Variants in TCF3 observed in about 807,000 individuals in gnomAD.
TCF3 encodes the protein transcription factor 3.
In TCF3, 54 loss-of-function variants were observed where a neutral mutation model predicts 72.3. The ratio of observed to expected loss-of-function variants is 0.75; its 90% CI spans 0.60 to 0.94. TCF3 has a LOEUF of 0.94. Among genes scored for constraint, TCF3 ranks in the 40% least tolerant of loss-of-function variants. The pLI, the probability that TCF3 is intolerant of heterozygous loss-of-function variation, is 0.00. For missense variants in TCF3, 1,078 were observed against 934.4 expected, an observed-to-expected ratio of 1.15 and a Z score of -2.00; for synonymous variants, 525 against 412.6, an observed-to-expected ratio of 1.27 and a Z score of -3.30.
At chr19:1,617,736 T>G (rs748226024) in intron 16 of TCF3, among the ~76,000 whole-genome samples, 1 of 152,284 alleles carries the variant, frequency 6.6e-6, no homozygotes, top group Middle Eastern at 3.4e-3. Context: ...GGTGAAAGAC[T>G]AAGCTTGGGG....
At chr19:1,612,508 G>T (rs569825847) in intron 18 of TCF3, 5 of 1,402,622 alleles carry the variant, frequency 3.6e-6, no homozygotes, top group East Asian at 4.6e-5. Flanking sequence ...GTTGTGGAGA[G>T]GGTATCCAGC....
chr19:1,625,822 G>A (rs1175841716), intron 6 of TCF3, 114 bp from the exon 7 acceptor site: 22 of 1,277,252 alleles, frequency 1.7e-5, no homozygotes, highest in Non-Finnish European at 2.3e-5. Flanking sequence ...TGCAGTGGGT[G>A]ATGCCCCTTC....
intron 6 of TCF3, among the ~76,000 whole-genome samples, chr19:1,626,391 G>A (rs752566540): frequency 6.6e-6 from 1 of 152,028 alleles, no homozygotes; most frequent in Non-Finnish European, 1.5e-5. Context: ...CAGAGGTTGC[G>A]GTGAGCCAAG....
chr19:1,617,641 C>T (rs572621997), intron 16 of TCF3, among the ~76,000 whole-genome samples: 1 of 152,362 alleles, frequency 6.6e-6, no homozygotes, highest in Admixed American at 6.5e-5. Context: ...AACTCTGCTC[C>T]AATCGGCCAA....
chr19:1,629,520 A>G (rs556831528), intron 5 of TCF3, among the ~76,000 whole-genome samples: 1 of 148,166 alleles, frequency 6.7e-6, no homozygotes, highest in Non-Finnish European at 1.5e-5. Flanking sequence ...TACGGAGGGG[A>G]ACAGCTGGCC....
At chr19:1,646,832 G>A (rs1600142940) in intron 2 of TCF3, among the ~76,000 whole-genome samples, 2 of 152,338 alleles carry the variant, frequency 1.3e-5, no homozygotes, top group Admixed American at 6.5e-5. Flanking sequence ...AAAAGTGAGA[G>A]GTTTACACTC....
chr19:1,621,038 G>T lies in TCF3; in HGVS notation c.1023C>A (p.Ser341=). ...AGAAGTTATTGCTTGAGTGATCCGG[G>T]GAGTAGATCTGCGAGGAGGACCAGG... is the stretch of plus-strand genomic sequence containing the variant. ...ALGKALASIY[S]PDHSSNNFSS... The change falls in exon 13 of 19, where the codon TCC becomes TCA. Residue 341 remains serine (S), a synonymous_variant. Coordinates refer to ENST00000262965, the MANE Select transcript of TCF3 (RefSeq NM_003200.5). The T allele has an allele frequency of 1.3e-6, 2 of 1,525,378 alleles. No individual in the cohort carries two copies. The highest frequency in any genetic ancestry group is 2.4e-5 in the East Asian group (1 of 41,144). The allele number at this position is 1,525,378 out of a possible 1,614,324, so 94.5% of individuals were successfully genotyped here. A position where few individuals can be genotyped will look rare whatever the true frequency, so the allele number is the denominator to read the frequency against.
At chr19:1,622,661 T>C (rs1450650293) in intron 8 of TCF3, among the ~76,000 whole-genome samples, 1 of 152,186 alleles carries the variant, frequency 6.6e-6, no homozygotes, top group African/African-American at 2.4e-5. Context: ...CTTCTGACCT[T>C]TGTACTTGAG....
intron 16 of TCF3, among the ~76,000 whole-genome samples, chr19:1,617,257 T>C: frequency 6.6e-6 from 1 of 152,174 alleles, no homozygotes; most frequent in East Asian, 1.9e-4. Context: ...GAAAGCGTGA[T>C]GTTGGAATGA....
Position 1,627,842 on chromosome 19 carries a change from A to G in TCF3, c.299-416T>C, listed in dbSNP as rs1485021313. On this transcript the variant is annotated intron_variant, in intron 5 of 18. Transcript: ENST00000262965. ...GCGGGAAGGGGACAGCAGAGCTCAC[A>G]GGGGGTGAGGCGGGAAGGGGACAGC... 5.0e-3 allele frequency among the ~76,000 whole-genome samples: 105 copies of G among 20,848 alleles called. 1 individual carries two copies. Among genetic ancestry groups the G allele is most frequent in the East Asian group, 0.015 (7 of 460 alleles). The allele number at this position is 20,848 out of a possible 152,430, so 13.7% of individuals were successfully genotyped here.
chr19:1,640,068 C>T (rs930823870), intron 3 of TCF3, among the ~76,000 whole-genome samples: 2 of 152,182 alleles, frequency 1.3e-5, no homozygotes, highest in Non-Finnish European at 2.9e-5. Flanking sequence ...AAGAAACCAC[C>T]TAAAAGTTGG....
In TCF3 at chr19:1,622,281, C is replaced by T. The variant is rs563051779; in HGVS notation, c.652+32G>A. The T allele has an allele frequency of 3.5e-5, 53 of 1,503,120 alleles. No homozygotes were observed. In the Admixed American group the frequency reaches 7.4e-4, roughly 21 times the overall value. The allele number at this position is 1,503,120 out of a possible 1,614,324, so 93.1% of individuals were successfully genotyped here. A position where few individuals can be genotyped will look rare whatever the true frequency, so the allele number is the denominator to read the frequency against. On this transcript the variant is annotated intron_variant, in intron 9 of 18. Transcript: ENST00000262965. ...GTGGGGAACCCCAGCCCTGCCCTAC[C>T]GTCCCTGGCGAGCCCCCGCCCTGCC...
chr19:1,629,866 G>A lies in TCF3; in HGVS notation c.298+2172C>T, dbSNP rs146372534. Among the ~76,000 whole-genome samples, 1,131 of 152,186 alleles carry A rather than the reference G, an allele frequency of 7.4e-3. 7 individuals carry two copies. Among genetic ancestry groups the A allele is most frequent in the African/African-American group, 0.012 (511 of 41,508 alleles). On this transcript the variant is annotated intron_variant, in intron 5 of 18. Transcript: ENST00000262965. ...CAAATGCTGCTGTTTTTTGCCTCCC[G>A]TTTCCTCATCTTGGTGACCCGGGGG...
In TCF3 at chr19:1,609,945, A is replaced by C. The variant is rs899184126; in HGVS notation, c.*1762T>G. 1 of 232,584 alleles carries C rather than the reference A, an allele frequency of 4.3e-6. No homozygotes were observed. Among genetic ancestry groups the C allele is most frequent in the African/African-American group, 2.2e-5 (1 of 45,246 alleles). The allele number at this position is 232,584 out of a possible 1,614,324, so 14.4% of individuals were successfully genotyped here. A position where few individuals can be genotyped will look rare whatever the true frequency, so the allele number is the denominator to read the frequency against. The stretch of plus-strand genomic sequence containing the variant: ...CCAGGGGTCCACAAGGCCTCAATGC[A>C]GGGAGGGGCATGAAGGGCACATGAA... On this transcript the variant is annotated 3_prime_UTR_variant, in exon 19 of 19. Transcript: ENST00000262965.
chr19:1,642,966 C>G (rs189057113), intron 3 of TCF3, among the ~76,000 whole-genome samples: 1 of 152,072 alleles, frequency 6.6e-6, no homozygotes. Flanking sequence ...GAGAAAGCGA[C>G]GGGGAAATGA....
At chr19:1,622,505 T>C in intron 8 of TCF3, 90 bp from the exon 9 acceptor site, 1 of 663,116 alleles carries the variant, frequency 1.5e-6, no homozygotes, top group Non-Finnish European at 2.4e-6. Context: ...CCCCTCCTGG[T>C]AGCACATCTA....
Position 1,632,386 on chromosome 19 carries a change from G to A in TCF3, c.165C>T (p.Ser55=). 3 of 1,596,166 alleles carry A rather than the reference G, an allele frequency of 1.9e-6. No individual in the cohort carries two copies. The highest frequency in any genetic ancestry group is 1.3e-5 in the African/African-American group (1 of 74,806). The change falls in exon 4 of 19, where the codon AGC becomes AGT. Residue 55 remains serine (S), a synonymous_variant. Coordinates refer to ENST00000262965, the MANE Select transcript of TCF3 (RefSeq NM_003200.5). ...FGGSGLEDRP[S]SGSWGSGDQS... ...GGTCGCCGCTGCCCCAGGAGCCTGA[G>A]CTGGGCCGGTCCTCAAGACCTGCAG...
At chr19:1,630,830 C>T (rs755953423) in intron 5 of TCF3, among the ~76,000 whole-genome samples, 3 of 152,148 alleles carry the variant, frequency 2.0e-5, no homozygotes, top group Non-Finnish European at 4.4e-5. Context: ...CCTACCTGAG[C>T]CCCCGAACCC....
intron 3 of TCF3, among the ~76,000 whole-genome samples, chr19:1,637,702 A>G (rs2145194814): frequency 6.6e-6 from 1 of 152,288 alleles, no homozygotes; most frequent in South Asian, 2.1e-4. Context: ...GAGGTCCAGA[A>G]ATCAAGACCA....
Sources: gnomAD v4.1 joint callset for allele counts (sites outside exome capture counted in the v4.1 genomes callset) on GRCh38, gnomAD v4.1.1 for gene constraint, MANE v1.5 for transcripts, NCBI Gene and HGNC (gene_info 2026-07-23, HGNC 2026-07-21) for gene names.